MAP6: variants seen among roughly 807,000 people sequenced by gnomAD.
MAP6 encodes microtubule associated protein 6.
MAP6 carries 26 observed loss-of-function variants against 42.4 expected under a neutral mutation model. The observed-to-expected ratio is 0.61, with a 90% CI of 0.45 to 0.85. The LOEUF (loss-of-function observed/expected upper bound fraction) is 0.85. Among genes scored for constraint, MAP6 ranks in the 40% least tolerant of loss-of-function variants. MAP6 has a pLI of 0.00. For synonymous variants in MAP6, 418 were observed against 443.8 expected (o/e 0.94, Z 0.73); for missense variants, 966 against 1,099.0 (o/e 0.88, Z 1.71).
intron 1 of MAP6, among the ~76,000 whole-genome samples, chr11:75,634,864 T>C (rs1031168165): frequency 6.6e-6 from 1 of 152,228 alleles, no homozygotes. Flanking sequence ...ATCTGGCAGC[T>C]ATAAAGAGAT....
intron 1 of MAP6, among the ~76,000 whole-genome samples, chr11:75,645,710 G>C (rs2135667364): frequency 6.6e-6 from 1 of 152,136 alleles, no homozygotes; most frequent in East Asian, 1.9e-4. Flanking sequence ...TGAAACAATA[G>C]GACATGATGA....
chr11:75,591,682 G>A (rs147437967), intron 3 of MAP6, among the ~76,000 whole-genome samples: 3 of 152,146 alleles, frequency 2.0e-5, no homozygotes, highest in Non-Finnish European at 1.5e-5. Context: ...CATATGCCAC[G>A]GGCGCCTTCT....
At chr11:75,657,134 C>T (rs1298820393) in intron 1 of MAP6, among the ~76,000 whole-genome samples, 8 of 139,234 alleles carry the variant, frequency 5.7e-5, no homozygotes, top group African/African-American at 8.2e-5. Context: ...TTTTTTGAGA[C>T]GGAGTCTCGC....
intron 1 of MAP6, among the ~76,000 whole-genome samples, chr11:75,666,497 T>C (rs1207291775): frequency 6.6e-6 from 1 of 151,874 alleles, no homozygotes; most frequent in Non-Finnish European, 1.5e-5. Context: ...GGAGAACATG[T>C]AGGGAAAGGA....
intron 1 of MAP6, among the ~76,000 whole-genome samples, chr11:75,639,420 AC>A (rs1943424459): frequency 6.6e-6 from 1 of 152,130 alleles, no homozygotes; most frequent in Non-Finnish European, 1.5e-5. Flanking sequence ...ACACAAAAAA[AC>A]CCCAACTTGA....
chr11:75,629,458 C>G (rs565619643), intron 1 of MAP6, among the ~76,000 whole-genome samples: 2 of 152,098 alleles, frequency 1.3e-5, no homozygotes, highest in African/African-American at 2.4e-5. Context: ...AAAAGTGGTG[C>G]TCAGGGTGGG....
intron 1 of MAP6, among the ~76,000 whole-genome samples, chr11:75,619,426 G>A (rs1381930089): frequency 6.6e-6 from 1 of 151,858 alleles, no homozygotes; most frequent in Non-Finnish European, 1.5e-5. Context: ...TGTCACAGGG[G>A]TTTGTTGTAC....
At chr11:75,593,929 CT>C (rs1942528082) in intron 3 of MAP6, among the ~76,000 whole-genome samples, 1 of 152,214 alleles carries the variant, frequency 6.6e-6, no homozygotes, top group African/African-American at 2.4e-5. Context: ...GGGCACACAT[CT>C]CCAGGCCTCA....
chr11:75,636,376 A>G (rs1433609964), intron 1 of MAP6, among the ~76,000 whole-genome samples: 1 of 152,150 alleles, frequency 6.6e-6, no homozygotes, highest in Non-Finnish European at 1.5e-5. Flanking sequence ...TTAACCAAAG[A>G]GTGCTTCTCT....
At chr11:75,652,356 A>C (rs1943661228) in intron 1 of MAP6, among the ~76,000 whole-genome samples, 1 of 152,124 alleles carries the variant, frequency 6.6e-6, no homozygotes, top group Non-Finnish European at 1.5e-5. Context: ...CTCCATAGGC[A>C]TGTCTAGCTC....
At chr11:75,627,062 T>C (rs1943209917) in intron 1 of MAP6, among the ~76,000 whole-genome samples, 2 of 152,244 alleles carry the variant, frequency 1.3e-5, no homozygotes, top group South Asian at 2.1e-4. Context: ...TTTCTCTTTT[T>C]GGAGCAGAGC....
chr11:75,588,202 G>T lies in MAP6; in HGVS notation c.1317-18C>A. 1.9e-6 allele frequency: 3 copies of T among 1,600,852 alleles called. No homozygotes were observed. Among genetic ancestry groups the T allele is most frequent in the Non-Finnish European group, 2.6e-6 (3 of 1,175,452 alleles). On this transcript the variant is annotated intron_variant, in intron 3 of 3. Coordinates refer to ENST00000304771, the MANE Select transcript of MAP6 (RefSeq NM_033063.2). Reference sequence around the variant, plus strand: ...CCAGGCTCCTGCAAAGGAGAGAGAGGTGATCACTGTGAGAGTAGAGCTCAG... The same window carrying T: ...CCAGGCTCCTGCAAAGGAGAGAGAGTTGATCACTGTGAGAGTAGAGCTCAG...
At chr11:75,594,744 A>G (rs1462592718) in intron 3 of MAP6, 1 of 152,138 alleles carries the variant, frequency 6.6e-6, no homozygotes, top group African/African-American at 2.4e-5. Flanking sequence ...CACTGAACAA[A>G]TCTACTGAGA....
intron 1 of MAP6, among the ~76,000 whole-genome samples, chr11:75,628,553 A>G (rs1195413847): frequency 1.3e-5 from 2 of 152,338 alleles, no homozygotes; most frequent in East Asian, 3.9e-4. Context: ...AGCCCACTGT[A>G]GGCATCTCCT....
chr11:75,600,694 A>G (rs566412290), intron 3 of MAP6, among the ~76,000 whole-genome samples: 30 of 152,326 alleles, frequency 2.0e-4, no homozygotes, highest in African/African-American at 7.2e-4. Flanking sequence ...TTCTGTACCT[A>G]TGGTCCTGAA....
chr11:75,642,718 A>T (rs965236337), intron 1 of MAP6: 5 of 239,742 alleles, frequency 2.1e-5, no homozygotes, highest in African/African-American at 1.1e-4. Context: ...AAATGTTGCT[A>T]CCCTACCAGC....
At chr11:75,609,426 C>T (rs763929412) in intron 1 of MAP6, among the ~76,000 whole-genome samples, 36 of 152,260 alleles carry the variant, frequency 2.4e-4, no homozygotes, top group Middle Eastern at 3.4e-3. Context: ...CTGATGACTC[C>T]CTCCTTCGGG....
At chr11:75,597,147 G>C (rs1296161642) in intron 3 of MAP6, 2 of 152,250 alleles carry the variant, frequency 1.3e-5, no homozygotes, top group Non-Finnish European at 2.9e-5. Flanking sequence ...TAAAGGCCAA[G>C]TAAAGGTTCA....
At position 75,588,001 on chromosome 11, in the gene MAP6, G is replaced by A; in HGVS notation, c.1500C>T (p.Ile500=). Residue 500 remains isoleucine, a synonymous_variant, in exon 4 of 4, where the codon ATC becomes ATT. Coordinates refer to ENST00000304771, the MANE Select transcript of MAP6 (RefSeq NM_033063.2). ...GATCTTGATCCTTGACTGGTAATGG[G>A]ATCATGGGACCTAGATCCTTTGGAG... ...PGPPKDLGPM[I]PLPVKDQDHT... The A allele has an allele frequency of 1.9e-6, 3 of 1,614,154 alleles. No individual in the cohort carries two copies. The highest frequency in any genetic ancestry group is 2.5e-6 in the Non-Finnish European group (3 of 1,180,030).
Sources: gnomAD v4.1 joint callset for allele counts (sites outside exome capture counted in the v4.1 genomes callset) on GRCh38, gnomAD v4.1.1 for gene constraint, MANE v1.5 for transcripts, NCBI Gene and HGNC (gene_info 2026-07-23, HGNC 2026-07-21) for gene names.